The following ATRNL1 variants were observed in gnomAD, a reference collection of about 807,000 sequenced individuals.
ATRNL1 encodes the protein attractin-like protein 1.
ATRNL1 carries 95 observed loss-of-function variants against 182.7 expected under a neutral mutation model. That is an observed-to-expected ratio of 0.52 (90% CI 0.44 to 0.62). The LOEUF is 0.62. Ranked by LOEUF, ATRNL1 falls within the 20% of genes least tolerant of loss-of-function variation. The pLI, the probability that ATRNL1 is intolerant of heterozygous loss-of-function variation, is 0.00. For missense variants in ATRNL1, 1,471 were observed against 1,679.5 expected, an observed-to-expected ratio of 0.88 and a Z score of 2.17; for synonymous variants, 576 against 568.3, an observed-to-expected ratio of 1.01 and a Z score of -0.19.
Position 115,629,201 on chromosome 10 carries a change from T to C in ATRNL1, c.3795+79665T>C, listed in dbSNP as rs201582463. Reference sequence around the variant, plus strand: ...ATAATATGTTGTAGGCACTGTGCTATGTAGAGCAAACATAGACTTGAATAT... The same window carrying C: ...ATAATATGTTGTAGGCACTGTGCTACGTAGAGCAAACATAGACTTGAATAT... On this transcript the variant is annotated intron_variant, in intron 26 of 28. Coordinates refer to ENST00000355044, the MANE Select transcript of ATRNL1 (RefSeq NM_207303.4). 7.2e-5 allele frequency among the ~76,000 whole-genome samples: 11 copies of C among 152,328 alleles called. No individual in the cohort carries two copies. The East Asian group carries it at 2.1e-3, about 29-fold the overall frequency.
intron 26 of ATRNL1, among the ~76,000 whole-genome samples, chr10:115,663,321 T>C (rs1860807379): frequency 6.6e-6 from 1 of 152,126 alleles, no homozygotes; most frequent in Non-Finnish European, 1.5e-5. Context: ...ACCCTTACTA[T>C]GTATATTATA....
At chr10:115,583,965 T>C (rs1165005662) in intron 26 of ATRNL1, among the ~76,000 whole-genome samples, 1 of 152,180 alleles carries the variant, frequency 6.6e-6, no homozygotes, top group African/African-American at 2.4e-5. Context: ...CATGAAGCAT[T>C]GTTGAATTTT....
chr10:115,594,568 G>A (rs990760470), intron 26 of ATRNL1, among the ~76,000 whole-genome samples: 1 of 152,138 alleles, frequency 6.6e-6, no homozygotes, highest in South Asian at 2.1e-4. Context: ...GTGCAGTGGC[G>A]CGATCGTGGC....
intron 26 of ATRNL1, among the ~76,000 whole-genome samples, chr10:115,687,995 G>A (rs1946273151): frequency 6.6e-6 from 1 of 151,870 alleles, no homozygotes; most frequent in Non-Finnish European, 1.5e-5. Flanking sequence ...CCCAGAGTCT[G>A]GTATCTATGG....
At chr10:115,562,806 G>A (rs145426692) in intron 26 of ATRNL1, among the ~76,000 whole-genome samples, 1 of 152,142 alleles carries the variant, frequency 6.6e-6, no homozygotes, top group African/African-American at 2.4e-5. Context: ...CAATTAAGCC[G>A]CTTTACCAGT....
intron 25 of ATRNL1, among the ~76,000 whole-genome samples, chr10:115,529,890 C>A (rs894282692): frequency 3.9e-5 from 6 of 152,084 alleles, no homozygotes; most frequent in East Asian, 1.9e-4. Context: ...GTCACTCCCC[C>A]CTTTTACATA....
intron 27 of ATRNL1, among the ~76,000 whole-genome samples, chr10:115,770,373 G>A (rs1948960211): frequency 6.6e-6 from 1 of 152,064 alleles, no homozygotes; most frequent in Non-Finnish European, 1.5e-5. Flanking sequence ...CAAAGGAAAT[G>A]TAATCAGTGA....
chr10:115,194,188 T>C (rs1848269923), intron 8 of ATRNL1, among the ~76,000 whole-genome samples: 1 of 151,920 alleles, frequency 6.6e-6, no homozygotes, highest in African/African-American at 2.4e-5. Flanking sequence ...TTAGATGAAA[T>C]GGTCTGTAAA....
intron 26 of ATRNL1, among the ~76,000 whole-genome samples, chr10:115,701,832 G>A (rs1325382136): frequency 6.6e-6 from 1 of 151,810 alleles, no homozygotes; most frequent in Non-Finnish European, 1.5e-5. Context: ...AAAAATCCCT[G>A]GGCCAGATTG....
intron 27 of ATRNL1, among the ~76,000 whole-genome samples, chr10:115,768,169 T>G (rs1309214406): frequency 2.6e-5 from 4 of 152,176 alleles, no homozygotes; most frequent in Non-Finnish European, 5.9e-5. Flanking sequence ...TATAAATTGC[T>G]GAATCTCTTA....
At chr10:115,323,160 C>T (rs1592448541) in intron 18 of ATRNL1, among the ~76,000 whole-genome samples, 2 of 152,064 alleles carry the variant, frequency 1.3e-5, no homozygotes, top group East Asian at 3.9e-4. Flanking sequence ...TTTTTCCAAG[C>T]TCTGCTTACT....
chr10:115,444,523 A>C (rs1846861532), intron 21 of ATRNL1, among the ~76,000 whole-genome samples: 1 of 152,000 alleles, frequency 6.6e-6, no homozygotes, highest in African/African-American at 2.4e-5. Flanking sequence ...TTTCTTTTTA[A>C]AAATATTCAT....
intron 26 of ATRNL1, among the ~76,000 whole-genome samples, chr10:115,680,700 G>A (rs531510536): frequency 3.9e-4 from 59 of 152,064 alleles, no homozygotes; most frequent in Non-Finnish European, 7.4e-4. Context: ...GGTTAATAAT[G>A]TATTTATCAA....
intron 1 of ATRNL1, among the ~76,000 whole-genome samples, chr10:115,103,681 T>C (rs1843879971): frequency 6.6e-6 from 1 of 152,184 alleles, no homozygotes; most frequent in South Asian, 2.1e-4. Flanking sequence ...ACCATCCCCA[T>C]TTCCCCCACT....
intron 27 of ATRNL1, among the ~76,000 whole-genome samples, chr10:115,838,865 CTG>C (rs1555096333): frequency 6.6e-6 from 1 of 152,070 alleles, no homozygotes; most frequent in Non-Finnish European, 1.5e-5. Flanking sequence ...TGGGAAAACT[CTG>C]TAATCCAGAA....
At chr10:115,921,105 A>T (rs1953044555) in intron 28 of ATRNL1, among the ~76,000 whole-genome samples, 1 of 152,302 alleles carries the variant, frequency 6.6e-6, no homozygotes, top group African/African-American at 2.4e-5. Flanking sequence ...TTGGAGTTTC[A>T]CGAAAGGAGG....
chr10:115,668,107 G>A (rs148644366), intron 26 of ATRNL1, among the ~76,000 whole-genome samples: 73 of 152,214 alleles, frequency 4.8e-4, no homozygotes, highest in African/African-American at 1.5e-3. Flanking sequence ...GAAAATCACA[G>A]ATTCTGTCTA....
chr10:115,263,790 A>G (rs1851491347), intron 10 of ATRNL1, among the ~76,000 whole-genome samples: 1 of 151,724 alleles, frequency 6.6e-6, no homozygotes, highest in Non-Finnish European at 1.5e-5. Context: ...CCATAATAAT[A>G]TTTTCTAAAA....
At chr10:115,564,742 C>CT (rs1199785101) in intron 26 of ATRNL1, among the ~76,000 whole-genome samples, 192 of 152,002 alleles carry the variant, frequency 1.3e-3, no homozygotes, top group African/African-American at 4.3e-3. Flanking sequence ...GTTATCAGGG[C>CT]TTTTTTGTGT....
Sources: gnomAD v4.1 joint callset for allele counts (sites outside exome capture counted in the v4.1 genomes callset) on GRCh38, gnomAD v4.1.1 for gene constraint, MANE v1.5 for transcripts, NCBI Gene and HGNC (gene_info 2026-07-23, HGNC 2026-07-21) for gene names.